The following NAV2 variants were observed in gnomAD, a reference collection of about 807,000 sequenced individuals.
NAV2 encodes helicase, APC down-regulated 1.
A neutral mutation model predicts 223.2 loss-of-function variants in NAV2; 54 were observed. The ratio of observed to expected loss-of-function variants is 0.24; its 90% CI spans 0.19 to 0.30. The LOEUF is 0.30. Among genes scored for constraint, NAV2 ranks in the 10% least tolerant of loss-of-function variants. The pLI is 1.00. For missense variants in NAV2, 2,806 were observed against 3,147.5 expected (o/e 0.89, Z 2.60); for synonymous variants, 1,279 against 1,239.3 (o/e 1.03, Z -0.67).
intron 1 of NAV2, among the ~76,000 whole-genome samples, chr11:19,591,520 C>G (rs1407559969): frequency 1.3e-5 from 2 of 152,150 alleles, no homozygotes; most frequent in Non-Finnish European, 2.9e-5. Flanking sequence ...TCAAAGGGAT[C>G]TGAATATGGG....
At chr11:19,871,438 G>A (rs2062485553) in intron 4 of NAV2, among the ~76,000 whole-genome samples, 1 of 152,102 alleles carries the variant, frequency 6.6e-6, no homozygotes, top group Admixed American at 6.5e-5. Context: ...CAGGATTGAG[G>A]CAGCACAGAG....
At chr11:19,445,847 A>G (rs1213690819) in intron 1 of NAV2, among the ~76,000 whole-genome samples, 4 of 151,482 alleles carry the variant, frequency 2.6e-5, no homozygotes, top group African/African-American at 9.7e-5. Context: ...GAGCAACCAT[A>G]TCATTTAATC....
chr11:19,673,799 AC>A (rs2048636340), intron 1 of NAV2, among the ~76,000 whole-genome samples: 1 of 152,152 alleles, frequency 6.6e-6, no homozygotes, highest in South Asian at 2.1e-4. Flanking sequence ...AATGTGAGCA[AC>A]CAGGGCTCAG....
intron 1 of NAV2, among the ~76,000 whole-genome samples, chr11:19,739,268 A>G (rs566744478): frequency 2.0e-5 from 3 of 152,362 alleles, no homozygotes; most frequent in African/African-American, 7.2e-5. Context: ...AAAATCATTT[A>G]TTGAACATTC....
At chr11:19,626,412 G>T (rs1015309778) in intron 1 of NAV2, among the ~76,000 whole-genome samples, 6 of 152,210 alleles carry the variant, frequency 3.9e-5, no homozygotes, top group African/African-American at 1.2e-4. Context: ...CCAATGCCAT[G>T]TGGTTTTGGT....
chr11:20,092,344 A>T lies in NAV2; in HGVS notation c.5791A>T (p.Asn1931Tyr), dbSNP rs1180107468. 1.2e-6 allele frequency: 2 copies of T among 1,613,560 alleles called. No homozygotes were observed. Among genetic ancestry groups the T allele is most frequent in the African/African-American group, 2.7e-5 (2 of 74,902 alleles). Reference sequence around the variant, plus strand: ...CATGGGCCTCTCCCAGCACAGCTTGAACCTCACTGAGTCAACCAGCCTGGG... The same window carrying T: ...CATGGGCCTCTCCCAGCACAGCTTGTACCTCACTGAGTCAACCAGCCTGGG... ...QSMGLSQHSL[N>Y]LTESTSLDML... Residue 1931 changes from asparagine (N) to tyrosine (Y), a missense_variant, in exon 28 of 38, where the codon AAC becomes TAC. This residue lies in a region of NAV2 where 824 missense variants were observed against 1,069.4 expected (regional missense o/e 0.77). Coordinates refer to ENST00000349880, the MANE Select transcript of NAV2 (RefSeq NM_145117.5).
At chr11:20,103,788 G>T in intron 34 of NAV2, 64 bp downstream of exon 34, 7 of 1,454,262 alleles carry the variant, frequency 4.8e-6, no homozygotes, top group Non-Finnish European at 6.8e-6. Flanking sequence ...GCAAGAAGGG[G>T]CGGGTAGAGA....
rs776782334 is a variant in NAV2, at chr11:20,045,321, C to T, written c.3553C>T (p.Arg1185Trp). 5.6e-6 allele frequency: 9 copies of T among 1,614,010 alleles called. No homozygotes were observed. The highest frequency in any genetic ancestry group is 2.7e-5 in the African/African-American group (2 of 74,906). ...QDDGYLALSS[R>W]TNLQYRSLPR... ...TGACGGGTATCTAGCCCTAAGCTCC[C>T]GGACAAACCTTCAGTACCGGAGTTT... Residue 1185 changes from arginine to tryptophan, a missense_variant, in exon 14 of 38, where the codon CGG becomes TGG. Physicochemically the swap from Arg to Trp is moderately radical, Grantham distance 101. Coordinates refer to ENST00000349880, the MANE Select transcript of NAV2 (RefSeq NM_145117.5).
intron 4 of NAV2, among the ~76,000 whole-genome samples, chr11:19,873,021 C>T (rs2062621923): frequency 6.6e-6 from 1 of 152,198 alleles, no homozygotes; most frequent in South Asian, 2.1e-4. Flanking sequence ...AAAACTGCCC[C>T]TGTGAGGAAG....
chr11:19,947,764 T>C (rs1377873502), intron 9 of NAV2, among the ~76,000 whole-genome samples: 1 of 152,192 alleles, frequency 6.6e-6, no homozygotes, highest in Non-Finnish European at 1.5e-5. Flanking sequence ...TGTAACTTGA[T>C]TGAAGAGGGA....
chr11:19,779,372 TCA>T (rs1056359309), intron 1 of NAV2, among the ~76,000 whole-genome samples: 7 of 152,236 alleles, frequency 4.6e-5, no homozygotes, highest in Non-Finnish European at 1.0e-4. Context: ...TCAGATATCC[TCA>T]GTGATGAGCC....
At chr11:19,833,380 G>T (rs1220639429) in intron 2 of NAV2, among the ~76,000 whole-genome samples, 1 of 152,232 alleles carries the variant, frequency 6.6e-6, no homozygotes, top group African/African-American at 2.4e-5. Flanking sequence ...CTTCAAGTGT[G>T]AGAAGTAGTC....
chr11:19,991,271 G>T (rs374294318), intron 11 of NAV2, among the ~76,000 whole-genome samples: 132 of 152,186 alleles, frequency 8.7e-4, no homozygotes, highest in African/African-American at 2.8e-3. Flanking sequence ...GATTACAGGT[G>T]CATGCCACTG....
chr11:20,095,512 C>T (rs2061188244), intron 29 of NAV2, among the ~76,000 whole-genome samples, 160 bp from the exon 30 acceptor site: 1 of 152,200 alleles, frequency 6.6e-6, no homozygotes, highest in South Asian at 2.1e-4. Context: ...GGTATTAAGA[C>T]TATTACTTCC....
chr11:19,566,870 C>G (rs1182607051), intron 1 of NAV2, among the ~76,000 whole-genome samples: 1 of 152,188 alleles, frequency 6.6e-6, no homozygotes, highest in Non-Finnish European at 1.5e-5. Context: ...AGGCCTAACT[C>G]AAATCCATGT....
chr11:19,379,018 C>T (rs1203675464), intron 1 of NAV2, among the ~76,000 whole-genome samples: 2 of 152,186 alleles, frequency 1.3e-5, no homozygotes, highest in African/African-American at 2.4e-5. Flanking sequence ...CTCAACCTCT[C>T]TTGAATCTCT....
At chr11:19,528,001 T>C (rs2043898845) in intron 1 of NAV2, among the ~76,000 whole-genome samples, 1 of 150,300 alleles carries the variant, frequency 6.7e-6, no homozygotes, top group Admixed American at 6.6e-5. Context: ...CAATTGTTTC[T>C]CTTAACAAAT....
chr11:19,799,520 T>C (rs2058107644), intron 1 of NAV2, among the ~76,000 whole-genome samples: 1 of 134,042 alleles, frequency 7.5e-6, no homozygotes, highest in South Asian at 2.6e-4. Context: ...CCAAATTAGG[T>C]GCTGGGCTGC....
chr11:19,982,118 A>T (rs2050348966), intron 10 of NAV2, among the ~76,000 whole-genome samples: 1 of 152,136 alleles, frequency 6.6e-6, no homozygotes, highest in Admixed American at 6.5e-5. Context: ...AGAGACATGC[A>T]TTGAAGGGCA....
Sources: allele counts gnomAD v4.1 joint callset (sites outside exome capture counted in the v4.1 genomes callset), GRCh38; gene constraint gnomAD v4.1.1; regional missense constraint gnomAD v4.1.1; transcripts MANE v1.5; gene names NCBI Gene and HGNC (gene_info 2026-07-23, HGNC 2026-07-21).